The following MYH9 variants were observed in gnomAD, a reference collection of about 807,000 sequenced individuals.
The protein encoded by MYH9 is myosin heavy chain 9.
MYH9 carries 29 observed loss-of-function variants against 241.9 expected under a neutral mutation model. The ratio of observed to expected loss-of-function variants is 0.12; its 90% confidence interval spans 0.09 to 0.16. MYH9 has a LOEUF of 0.16. Among genes scored for constraint, MYH9 ranks in the 10% least tolerant of loss-of-function variants. MYH9 has a pLI of 1.00. For missense variants in MYH9, 1,803 were observed against 2,595.5 expected, an observed-to-expected ratio of 0.69 and a Z score of 6.63; for synonymous variants, 1,047 against 1,062.6, an observed-to-expected ratio of 0.99 and a Z score of 0.29.
intron 1 of MYH9, among the ~76,000 whole-genome samples, chr22:36,360,485 G>A (rs1051540155): frequency 3.9e-5 from 6 of 151,982 alleles, no homozygotes; most frequent in Non-Finnish European, 7.4e-5. Flanking sequence ...AGGCCGAGGC[G>A]GGCGGATCAC....
At chr22:36,284,823 C>T (rs929379884) in intron 38 of MYH9, among the ~76,000 whole-genome samples, 6 of 152,158 alleles carry the variant, frequency 3.9e-5, no homozygotes, top group Admixed American at 6.5e-5. Context: ...CCTGCTGAGC[C>T]CATAGGACAA....
At chr22:36,303,634 A>T (rs533502915) in intron 19 of MYH9, among the ~76,000 whole-genome samples, 1 of 151,890 alleles carries the variant, frequency 6.6e-6, no homozygotes, top group Non-Finnish European at 1.5e-5. Flanking sequence ...AAATACAAAA[A>T]TTAGCTGGGC....
Position 36,325,495 on chromosome 22 carries a change from G to T in MYH9, c.612+1073C>A, listed in dbSNP as rs184449204. Among the ~76,000 whole-genome samples the T allele has an allele frequency of 4.6e-5, 7 of 152,358 alleles. No individual in the cohort carries two copies. The East Asian group carries it at 1.3e-3, about 29-fold the overall frequency. ...TTAGCTTTCACAGGGGAGGTTAAGA[G>T]TGTGTGCTTGAGAGAGAGCATCCCA... On this transcript the variant is annotated intron_variant, in intron 5 of 40. Coordinates refer to ENST00000216181, the MANE Select transcript of MYH9 (RefSeq NM_002473.6).
intron 5 of MYH9, among the ~76,000 whole-genome samples, chr22:36,324,689 G>A (rs528752760): frequency 2.6e-5 from 4 of 152,368 alleles, no homozygotes; most frequent in Admixed American, 1.3e-4. Flanking sequence ...TCACAGCACA[G>A]CTTCAGGCAA....
chr22:36,290,693 G>A (rs1049080474), intron 31 of MYH9, among the ~76,000 whole-genome samples: 1 of 149,894 alleles, frequency 6.7e-6, no homozygotes, highest in Non-Finnish European at 1.5e-5. Flanking sequence ...ATCCCATCTA[G>A]GAGGTGAGGA....
At chr22:36,368,623 G>T (rs767026568) in intron 1 of MYH9, among the ~76,000 whole-genome samples, 2 of 152,156 alleles carry the variant, frequency 1.3e-5, no homozygotes, top group African/African-American at 2.4e-5. Flanking sequence ...ATCCCCTCCA[G>T]CAGACTCACT....
intron 24 of MYH9, among the ~76,000 whole-genome samples, chr22:36,298,076 G>A (rs1603482994): frequency 1.3e-5 from 2 of 152,298 alleles, no homozygotes; most frequent in East Asian, 3.9e-4. Flanking sequence ...AGATCTCTCT[G>A]TGTCCGGACC....
intron 24 of MYH9, chr22:36,297,473 A>G (rs1603482983): frequency 6.2e-6 from 1 of 160,944 alleles, no homozygotes. Context: ...CCTCATCTGA[A>G]TAATAAGCAA....
Position 36,299,018 on chromosome 22 carries a change from T to C in MYH9, c.3001A>G (p.Ile1001Val). 5 of 1,614,110 alleles carry C rather than the reference T, an allele frequency of 3.1e-6. No individual in the cohort carries two copies. In the South Asian group the frequency reaches 3.3e-5, roughly 11 times the overall value. ...GTGAGGTTGGTGGTGAACTCAGCTA[T>C]TCTGTCTTCCAGCAGTTTCTTTTCC... ...AKEKKLLEDR[I>V]AEFTTNLTEE... is the part of the protein sequence containing the mutation. Residue 1001 changes from isoleucine to valine, a missense_variant, in exon 24 of 41, where the codon ATA becomes GTA. Transcript: ENST00000216181.
intron 14 of MYH9, among the ~76,000 whole-genome samples, chr22:36,310,029 C>T (rs1165609549): frequency 6.6e-6 from 1 of 151,970 alleles, no homozygotes; most frequent in East Asian, 1.9e-4. Flanking sequence ...GCGGGTGGAT[C>T]ACCTGAGGTC....
intron 31 of MYH9, 53 bp from the exon 32 acceptor site, chr22:36,289,350 AG>A: frequency 6.5e-7 from 1 of 1,533,938 alleles, no homozygotes. Flanking sequence ...CCAGCAGGGC[AG>A]GGCAGCTGGG....
At position 36,301,605 on chromosome 22, in the gene MYH9, GCTC is replaced by G; in HGVS notation, c.2557_2559del (p.Glu853del). On this transcript the variant is annotated inframe_deletion, in exon 21 of 41. Coordinates refer to ENST00000216181, the MANE Select transcript of MYH9 (RefSeq NM_002473.6). Reference sequence around the variant, plus strand: ...AGCTGCTTCTCTCTGACCTTCACCAGCTCCTCCTCCTTGGCCATCATCTCCTCC... The same window carrying G: ...AGCTGCTTCTCTCTGACCTTCACCAGCTCCTCCTTGGCCATCATCTCCTCC... The G allele has an allele frequency of 6.2e-7, 1 of 1,613,962 alleles. No homozygotes were observed. The highest frequency in any genetic ancestry group is 8.5e-7 in the Non-Finnish European group (1 of 1,180,022).
At position 36,282,770 on chromosome 22, in the gene MYH9, C is replaced by A. The variant is rs80050551; in HGVS notation, c.5781G>T (p.Pro1927=). 7,748 of 1,611,586 alleles carry A rather than the reference C, an allele frequency of 4.8e-3. 302 individuals carry two copies. The African/African-American group carries it at 0.087, about 18-fold the overall frequency. Reference sequence around the variant, plus strand: ...GGGCCATTCGGCGGGGCACGACAAACGGCAGGTCCCCGCGCCTGGGGGCAG... The same window carrying A: ...GGGCCATTCGGCGGGGCACGACAAAAGGCAGGTCCCCGCGCCTGGGGGCAG... ...LKNKLRRGDL[P]FVVPRRMARK... is the part of the protein sequence containing the mutation. The change falls in exon 41 of 41, where the codon CCG becomes CCT. Residue 1927 remains proline, a synonymous_variant. Coordinates refer to ENST00000216181, the MANE Select transcript of MYH9 (RefSeq NM_002473.6).
Position 36,351,667 on chromosome 22 carries a change from G to A in MYH9, c.-19-2412C>T, listed in dbSNP as rs369003998. On this transcript the variant is annotated intron_variant, in intron 1 of 40. Transcript: ENST00000216181. ...CCAGGCTCCCCAAAGTCTCCCCATC[G>A]CGCCCCTGCCCTGCTCAAGACCTTG... 4.0e-5 allele frequency among the ~76,000 whole-genome samples: 6 copies of A among 151,876 alleles called. No homozygotes were observed. In the East Asian group the frequency reaches 1.2e-3, roughly 29 times the overall value.
chr22:36,359,284 A>G (rs967766881), intron 1 of MYH9, among the ~76,000 whole-genome samples: 26 of 152,226 alleles, frequency 1.7e-4, no homozygotes, highest in African/African-American at 5.5e-4. Context: ...GTGCTCAGTT[A>G]AAGTGTCCTG....
chr22:36,355,605 T>A (rs1343080929), intron 1 of MYH9, among the ~76,000 whole-genome samples: 2 of 152,178 alleles, frequency 1.3e-5, no homozygotes, highest in African/African-American at 4.8e-5. Context: ...ACCTTCACCG[T>A]AAAGCTGCAT....
intron 2 of MYH9, among the ~76,000 whole-genome samples, chr22:36,344,487 C>T (rs1056871007): frequency 4.0e-5 from 6 of 151,896 alleles, no homozygotes; most frequent in Admixed American, 1.3e-4. Flanking sequence ...CAGGCGGCCC[C>T]GCCCAGGGGC....
intron 1 of MYH9, among the ~76,000 whole-genome samples, chr22:36,373,286 C>T (rs1390536312): frequency 1.3e-5 from 2 of 152,182 alleles, no homozygotes; most frequent in African/African-American, 2.4e-5. Context: ...CTGCCACCCT[C>T]GGTAGGGTCT....
At chr22:36,304,605 G>A (rs1033404641) in intron 18 of MYH9, among the ~76,000 whole-genome samples, 6 of 152,188 alleles carry the variant, frequency 3.9e-5, no homozygotes, top group Middle Eastern at 3.2e-3. Context: ...CGCACAGCCC[G>A]TCCAGCACTG....
Sources: allele counts gnomAD v4.1 joint callset (sites outside exome capture counted in the v4.1 genomes callset), GRCh38; gene constraint gnomAD v4.1.1; transcripts MANE v1.5; gene names NCBI Gene and HGNC (gene_info 2026-07-23, HGNC 2026-07-21).